The following IFT80 variants were observed in gnomAD, a reference collection of about 807,000 sequenced individuals.
IFT80 encodes intraflagellar transport 80.
IFT80 carries 79 observed loss-of-function variants against 107.9 expected under a neutral mutation model. The observed-to-expected ratio is 0.73, with a 90% CI of 0.61 to 0.88. The LOEUF (loss-of-function observed/expected upper bound fraction) is 0.88. Ranked by LOEUF, IFT80 falls within the 40% of genes least tolerant of loss-of-function variation. The pLI, the probability that IFT80 is intolerant of heterozygous loss-of-function variation, is 0.00. For missense variants in IFT80, 797 were observed against 914.2 expected (o/e 0.87, Z 1.65); for synonymous variants, 299 against 300.9 (o/e 0.99, Z 0.07).
chr3:160,277,879 T>G (rs907664183), intron 16 of IFT80, among the ~76,000 whole-genome samples: 3 of 152,136 alleles, frequency 2.0e-5, no homozygotes, highest in African/African-American at 4.8e-5. Context: ...TTGAATGAAA[T>G]TTTCAATTTT....
chr3:160,394,342 A>AT (rs1713613031), intron 1 of IFT80: 1 of 152,184 alleles, frequency 6.6e-6, no homozygotes, highest in Non-Finnish European at 1.5e-5. Context: ...AAAAAATCTC[A>AT]TAATGTCTTA....
At chr3:160,306,961 C>G (rs1026849833) in intron 10 of IFT80, among the ~76,000 whole-genome samples, 5 of 152,094 alleles carry the variant, frequency 3.3e-5, no homozygotes, top group African/African-American at 1.2e-4. Context: ...AATGACTAAA[C>G]TATACATAAT....
intron 6 of IFT80, among the ~76,000 whole-genome samples, chr3:160,361,161 C>T (rs1021872198): frequency 5.9e-5 from 9 of 151,860 alleles, no homozygotes; most frequent in Non-Finnish European, 1.2e-4. Context: ...CACATAGGCT[C>T]AAAATAAAGG....
At chr3:160,341,862 C>T (rs1471638825) in intron 8 of IFT80, among the ~76,000 whole-genome samples, 2 of 152,168 alleles carry the variant, frequency 1.3e-5, no homozygotes, top group African/African-American at 4.8e-5. Context: ...ATATCCTTTC[C>T]CTGGCTTCTG....
At chr3:160,308,006 G>A (rs1384868498) in intron 9 of IFT80, among the ~76,000 whole-genome samples, 1 of 151,996 alleles carries the variant, frequency 6.6e-6, no homozygotes, top group Non-Finnish European at 1.5e-5. Context: ...AGAAGAAAAA[G>A]ACCTACTGAG....
chr3:160,372,417 A>G (rs1424394376), intron 5 of IFT80, among the ~76,000 whole-genome samples: 1 of 152,216 alleles, frequency 6.6e-6, no homozygotes, highest in Non-Finnish European at 1.5e-5. Context: ...AAGAAATTTT[A>G]TAAGTAATTA....
chr3:160,396,092 A>G (rs931280748), intron 1 of IFT80, among the ~76,000 whole-genome samples: 3 of 152,126 alleles, frequency 2.0e-5, no homozygotes, highest in Admixed American at 6.6e-5. Flanking sequence ...CTTGTTGAAT[A>G]TATCTTTCCA....
rs183346456 is a variant in IFT80 at position 160,313,148 on chromosome 3, C to T, written c.958-5367G>A. 3.1e-3 allele frequency among the ~76,000 whole-genome samples: 397 copies of T among 129,602 alleles called. 1 individual carries two copies. The highest frequency in any genetic ancestry group is 0.011 in the African/African-American group (374 of 34,092). The allele number at this position is 129,602 out of a possible 152,430, so 85.0% of individuals were successfully genotyped here. On this transcript the variant is annotated intron_variant, in intron 9 of 19. Transcript: ENST00000326448. The stretch of plus-strand genomic sequence containing the variant: ...TTTTGGTGCCAAAAGTATGTCTCTT[C>T]CATGTATGAATTAACACCATTTTCA...
chr3:160,396,215 C>T (rs899862243), intron 1 of IFT80, among the ~76,000 whole-genome samples: 2 of 151,954 alleles, frequency 1.3e-5, no homozygotes, highest in Non-Finnish European at 2.9e-5. Flanking sequence ...ATGTGTGTTT[C>T]GGTAACATTA....
Position 160,301,008 on chromosome 3 carries a change from T to C in IFT80, c.1190A>G (p.Tyr397Cys). 2 of 1,594,790 alleles carry C rather than the reference T, an allele frequency of 1.3e-6. No individual in the cohort carries two copies. Among genetic ancestry groups the C allele is most frequent in the Non-Finnish European group, 1.7e-6 (2 of 1,166,162 alleles). ...LLVDGSSIYL[Y>C]SYEGRFISSP... The stretch of plus-strand genomic sequence containing the variant: ...TGAAATAAAGCGCCCTTCATATGAA[T>C]ATAAATAGATACTACTACCATCTAC... Residue 397 changes from tyrosine (Y) to cysteine (C), a missense_variant, in exon 12 of 20, where the codon TAT becomes TGT. Coordinates refer to ENST00000326448, the MANE Select transcript of IFT80 (RefSeq NM_020800.3).
intron 10 of IFT80, among the ~76,000 whole-genome samples, chr3:160,304,655 T>C (rs1470213194): frequency 2.6e-5 from 4 of 152,096 alleles, no homozygotes; most frequent in Non-Finnish European, 2.9e-5. Context: ...CAGGATGGTC[T>C]AGATCTCCTG....
Position 160,268,420 on chromosome 3 carries a change from G to A in IFT80, c.2216C>T (p.Ala739Val). The part of the protein sequence containing the change: ...QETNKRYLHY[A>V]EGLQIDWEKI... ...AAATTGTGAAATACTTACACCTTCT[G>A]CATAATGCAAGTATCGTTTATTAGT... Residue 739 changes from alanine to valine, a missense_variant, in exon 19 of 20, where the codon GCA (alanine) becomes GTA (valine). By Grantham distance (64) the Ala-to-Val change is moderately conservative. Coordinates refer to ENST00000326448, the MANE Select transcript of IFT80 (RefSeq NM_020800.3). 1 of 1,611,932 alleles carries A rather than the reference G, an allele frequency of 6.2e-7. No homozygotes were observed. Among genetic ancestry groups the A allele is most frequent in the Non-Finnish European group, 8.5e-7 (1 of 1,178,230 alleles).
At chr3:160,381,194 A>G (rs550023330) in intron 3 of IFT80, among the ~76,000 whole-genome samples, 1 of 144,900 alleles carries the variant, frequency 6.9e-6, no homozygotes, top group Non-Finnish European at 1.5e-5. Context: ...CTATGATCAC[A>G]CCACTGCACT....
intron 12 of IFT80, among the ~76,000 whole-genome samples, chr3:160,295,938 C>A (rs905556985): frequency 6.6e-6 from 1 of 152,112 alleles, no homozygotes; most frequent in Non-Finnish European, 1.5e-5. Flanking sequence ...ATGAGGTATA[C>A]TAAAATAGTC....
At chr3:160,285,357 A>G (rs970687934) in intron 13 of IFT80, among the ~76,000 whole-genome samples, 2 of 152,306 alleles carry the variant, frequency 1.3e-5, no homozygotes, top group Admixed American at 6.5e-5. Flanking sequence ...AAACCAATAA[A>G]CAACTTACAA....
intron 15 of IFT80, 84 bp downstream of exon 15, chr3:160,280,583 A>G: frequency 8.7e-7 from 1 of 1,154,282 alleles, no homozygotes; most frequent in Non-Finnish European, 1.3e-6. Context: ...AACACCTTGC[A>G]GGATTGAAAA....
At chr3:160,370,995 G>C (rs972944201) in intron 5 of IFT80, among the ~76,000 whole-genome samples, 6 of 152,108 alleles carry the variant, frequency 3.9e-5, no homozygotes, top group Non-Finnish European at 8.8e-5. Flanking sequence ...CTGTCTAAAA[G>C]ATTGGCATTA....
At chr3:160,347,250 C>T (rs548604619) in intron 8 of IFT80, among the ~76,000 whole-genome samples, 1 of 152,218 alleles carries the variant, frequency 6.6e-6, no homozygotes, top group South Asian at 2.1e-4. Context: ...GCAAAAATGC[C>T]ACAATGCTTT....
chr3:160,328,774 G>C (rs558570468), intron 8 of IFT80, among the ~76,000 whole-genome samples: 6 of 152,204 alleles, frequency 3.9e-5, no homozygotes, highest in African/African-American at 1.2e-4. Context: ...CGAAAATGTG[G>C]TACATATATG....
Sources: allele counts gnomAD v4.1 joint callset (sites outside exome capture counted in the v4.1 genomes callset), GRCh38; gene constraint gnomAD v4.1.1; transcripts MANE v1.5; gene names NCBI Gene and HGNC (gene_info 2026-07-23, HGNC 2026-07-21).